Variants in TAF4B observed in about 807,000 individuals in gnomAD.
TAF4B encodes transcription initiation factor TFIID subunit 4B.
Under a neutral mutation model 86.4 loss-of-function variants are expected in TAF4B, and 38 were observed. The ratio of observed to expected loss-of-function variants is 0.44; its 90% confidence interval spans 0.34 to 0.58. The LOEUF (loss-of-function observed/expected upper bound fraction) is 0.58, where lower values mean the gene tolerates loss of function less well. TAF4B is among the 20% of genes least tolerant of loss of function. The pLI, the probability that TAF4B is intolerant of heterozygous loss-of-function variation, is 0.02. For missense variants in TAF4B, 988 were observed against 1,027.6 expected (o/e 0.96, Z 0.53); for synonymous variants, 388 against 391.2 (o/e 0.99, Z 0.10).
At chr18:26,358,485 C>T (rs779787367) in intron 14 of TAF4B, among the ~76,000 whole-genome samples, 6 of 152,104 alleles carry the variant, frequency 3.9e-5, no homozygotes, top group African/African-American at 7.2e-5. Flanking sequence ...CCAAGGCGGG[C>T]GGATCACAAG....
chr18:26,317,351 A>T (rs1433426577), intron 10 of TAF4B, among the ~76,000 whole-genome samples: 1 of 152,044 alleles, frequency 6.6e-6, no homozygotes, highest in South Asian at 2.1e-4. Context: ...TTCTATTTCC[A>T]GTGTGGTTTA....
intron 1 of TAF4B, chr18:26,256,461 A>C: frequency 1.5e-6 from 1 of 659,928 alleles, no homozygotes; most frequent in East Asian, 2.7e-5. Flanking sequence ...AGCACTCCCT[A>C]CTCCAGTTTT....
intron 1 of TAF4B, among the ~76,000 whole-genome samples, chr18:26,245,239 T>A (rs573655632): frequency 6.6e-6 from 1 of 152,194 alleles, no homozygotes; most frequent in African/African-American, 2.4e-5. Context: ...CGTGGCGATA[T>A]CCTGAACAAG....
At chr18:26,243,655 A>T (rs2055877257) in intron 1 of TAF4B, among the ~76,000 whole-genome samples, 1 of 152,190 alleles carries the variant, frequency 6.6e-6, no homozygotes, top group African/African-American at 2.4e-5. Context: ...TTGGAGGAGA[A>T]AAGGCGCTCT....
intron 3 of TAF4B, among the ~76,000 whole-genome samples, chr18:26,268,584 C>G (rs1179193147): frequency 6.6e-6 from 1 of 152,076 alleles, no homozygotes; most frequent in East Asian, 1.9e-4. Context: ...TATTTATCAT[C>G]ACAATTGGGC....
At chr18:26,299,564 C>T (rs541914981) in intron 9 of TAF4B, among the ~76,000 whole-genome samples, 2 of 152,138 alleles carry the variant, frequency 1.3e-5, no homozygotes, top group South Asian at 2.1e-4. Flanking sequence ...GTCTTCCCCC[C>T]CTCCTTTGTT....
chr18:26,357,620 T>G (rs1358284791), intron 13 of TAF4B, 70 bp from the exon 14 acceptor site: 1 of 1,040,744 alleles, frequency 9.6e-7, no homozygotes, highest in Non-Finnish European at 1.4e-6. Flanking sequence ...TTAGGCTTAG[T>G]AATCAGTTTC....
In TAF4B at chr18:26,390,878, A is replaced by G. The variant is rs1598850258; in HGVS notation, c.*866A>G. 6.6e-6 allele frequency: 1 copy of G among 152,242 alleles called. No individual in the cohort carries two copies. The highest frequency in any genetic ancestry group is 1.9e-4 in the East Asian group (1 of 5,202). 9.4% of individuals were successfully genotyped at this position (152,242 alleles called of 1,614,324 possible). On this transcript the variant is annotated 3_prime_UTR_variant, in exon 15 of 15. Coordinates refer to ENST00000269142, the MANE Select transcript of TAF4B (RefSeq NM_005640.3). ...TGATGGGCAAAAAAAATCACAGCAC[A>G]ACCAGAAAGGAGAATGTACCAGATG... is the stretch of plus-strand genomic sequence containing the variant.
intron 7 of TAF4B, among the ~76,000 whole-genome samples, chr18:26,289,912 T>A (rs2056571676): frequency 6.6e-6 from 1 of 152,166 alleles, no homozygotes; most frequent in Non-Finnish European, 1.5e-5. Context: ...GTGATGGGGA[T>A]TGAAGGTTGT....
rs2055584585 is a variant in TAF4B, at chr18:26,226,951, C to T, written c.18C>T (p.Thr6=). The T allele has an allele frequency of 8.0e-6, 11 of 1,378,816 alleles. No homozygotes were observed. Among genetic ancestry groups the T allele is most frequent in the African/African-American group, 1.5e-5 (1 of 65,210 alleles). The allele number at this position is 1,378,816 out of a possible 1,614,324, so 85.4% of individuals were successfully genotyped here. Residue 6 remains threonine, a synonymous_variant, in exon 1 of 15, where the codon ACC becomes ACT. Transcript: ENST00000269142. ...CCTGGGGGATGCCCGCCGGCCTCAC[C>T]GAACCCGCCGGCGCCGCTCCCCCGG... MPAGL[T]EPAGAAPPAA...
intron 9 of TAF4B, among the ~76,000 whole-genome samples, chr18:26,307,959 A>G (rs1344225515): frequency 6.6e-6 from 1 of 152,008 alleles, no homozygotes; most frequent in Non-Finnish European, 1.5e-5. Context: ...AAAATACAAA[A>G]ATGAGCCGGG....
chr18:26,385,692 T>TC (rs1555627592), intron 14 of TAF4B, among the ~76,000 whole-genome samples: 3 of 145,164 alleles, frequency 2.1e-5, no homozygotes, highest in African/African-American at 7.9e-5. Context: ...TTTTTTTTTT[T>TC]TTCTTCTTCT....
chr18:26,329,111 A>G (rs2144688695), intron 12 of TAF4B, among the ~76,000 whole-genome samples: 1 of 151,822 alleles, frequency 6.6e-6, no homozygotes, highest in Non-Finnish European at 1.5e-5. Context: ...AGGCTGGAGT[A>G]CAGTGATGTG....
chr18:26,381,964 T>C lies in TAF4B; in HGVS notation c.2422-7881T>C, dbSNP rs2057482966. On this transcript the variant is annotated intron_variant, in intron 14 of 14. Transcript: ENST00000269142. ...AATGGTTTCTCTTTTTTTCTATAAA[T>C]TCATATTTCATTCGAGTTATTTTTC... is the stretch of plus-strand genomic sequence containing the variant. Among the ~76,000 whole-genome samples the C allele has an allele frequency of 6.8e-5, 3 of 44,428 alleles. No individual in the cohort carries two copies. The South Asian group carries it at 3.3e-3, about 48-fold the overall frequency. The allele number at this position is 44,428 out of a possible 152,430, so 29.1% of individuals were successfully genotyped here.
At chr18:26,240,684 C>T (rs1444919877) in intron 1 of TAF4B, among the ~76,000 whole-genome samples, 2 of 152,102 alleles carry the variant, frequency 1.3e-5, no homozygotes, top group Non-Finnish European at 2.9e-5. Context: ...GGAATGCTTC[C>T]AGTTTTTGTA....
intron 9 of TAF4B, among the ~76,000 whole-genome samples, chr18:26,312,467 G>A (rs2056863064): frequency 6.6e-6 from 1 of 152,180 alleles, no homozygotes; most frequent in African/African-American, 2.4e-5. Flanking sequence ...TAGATAGAAG[G>A]AAGGATGGCA....
intron 14 of TAF4B, among the ~76,000 whole-genome samples, chr18:26,383,882 A>T (rs1598844982): frequency 6.6e-6 from 1 of 152,276 alleles, no homozygotes; most frequent in Middle Eastern, 3.4e-3. Flanking sequence ...TGACCAGCAG[A>T]GGGCAGTGAA....
intron 1 of TAF4B, among the ~76,000 whole-genome samples, chr18:26,236,426 T>C (rs1381479785): frequency 6.6e-6 from 1 of 152,076 alleles, no homozygotes; most frequent in Non-Finnish European, 1.5e-5. Flanking sequence ...TGGGGCTCAG[T>C]GAGGATGATG....
intron 13 of TAF4B, among the ~76,000 whole-genome samples, chr18:26,339,793 G>C (rs1461292721): frequency 6.6e-6 from 1 of 152,190 alleles, no homozygotes; most frequent in African/African-American, 2.4e-5. Context: ...CCAGAATTTT[G>C]TAGAGCTATT....
Sources: allele counts gnomAD v4.1 joint callset (sites outside exome capture counted in the v4.1 genomes callset), GRCh38; gene constraint gnomAD v4.1.1; transcripts MANE v1.5; gene names NCBI Gene and HGNC (gene_info 2026-07-23, HGNC 2026-07-21).